Variants in TNS1 observed in about 807,000 individuals in gnomAD.
TNS1 encodes tensin-1.
A neutral mutation model predicts 168.6 loss-of-function variants in TNS1; 62 were observed. The observed-to-expected ratio is 0.37, with a 90% CI of 0.30 to 0.45. The LOEUF (loss-of-function observed/expected upper bound fraction) is 0.45. Ranked by LOEUF, TNS1 falls within the 20% of genes least tolerant of loss-of-function variation. The pLI is 1.00. For synonymous variants in TNS1, 934 were observed against 933.2 expected (o/e 1.00, Z -0.02); for missense variants, 2,240 against 2,339.4 (o/e 0.96, Z 0.88).
intron 3 of TNS1, among the ~76,000 whole-genome samples, chr2:217,968,311 T>A (rs923083725): frequency 6.6e-6 from 1 of 151,922 alleles, no homozygotes; most frequent in Non-Finnish European, 1.5e-5. Flanking sequence ...AGGCAAAAAA[T>A]GAAATAAAAA....
At position 217,875,355 on chromosome 2, in the gene TNS1, G is replaced by A. The variant is rs571400109; in HGVS notation, c.1429+5543C>T. On this transcript the variant is annotated intron_variant, in intron 18 of 32. Transcript: ENST00000682258. ...GCTCCTTCCTGCTCTAAGCCCATGG[G>A]TTGCGAAAGTCTGAGAGGGAAGCCT... is the stretch of plus-strand genomic sequence containing the variant. Among the ~76,000 whole-genome samples, 3 of 152,278 alleles carry A rather than the reference G, an allele frequency of 2.0e-5. No homozygotes were observed. The East Asian group carries it at 5.8e-4, about 29-fold the overall frequency.
chr2:217,909,090 C>A lies in TNS1; in HGVS notation c.229-1839G>T, dbSNP rs370479141. Reference sequence around the variant, plus strand: ...CCACCCACCCCTCTACCAGGGACCACCCCCCACACCCCCTCCCCGCTAAAG... The same window carrying A: ...CCACCCACCCCTCTACCAGGGACCAACCCCCACACCCCCTCCCCGCTAAAG... On this transcript the variant is annotated intron_variant, in intron 4 of 32. Coordinates refer to ENST00000682258, the MANE Select transcript of TNS1 (RefSeq NM_001387777.1). Among the ~76,000 whole-genome samples the A allele has an allele frequency of 5.6e-5, 8 of 144,046 alleles. No homozygotes were observed. In the South Asian group the frequency reaches 9.1e-4, roughly 16 times the overall value. The allele number at this position is 144,046 out of a possible 152,430, so 94.5% of individuals were successfully genotyped here.
chr2:217,960,456 G>A (rs890883099), intron 3 of TNS1, among the ~76,000 whole-genome samples: 1 of 152,122 alleles, frequency 6.6e-6, no homozygotes, highest in Non-Finnish European at 1.5e-5. Context: ...CCAGGTCTAG[G>A]AGGCTGGCTC....
rs376994298 is a variant in TNS1, at chr2:217,990,978, G to T, written c.112C>A (p.Arg38Ser). ...CAGCCTTCCTGGGTGATGACCTGGC[G>T]GCAGATCCCACAGGGCTTCACCTTC... ...FKKVKPCGIC[R>S]QVITQEGCTC... is the part of the protein sequence containing the mutation. Residue 38 changes from arginine to serine, a missense_variant, in exon 2 of 33, where the codon CGC becomes AGC. Arg to Ser is a moderately radical substitution (Grantham distance 110). Coordinates refer to ENST00000682258, the MANE Select transcript of TNS1 (RefSeq NM_001387777.1). 1 of 691,044 alleles carries T rather than the reference G, an allele frequency of 1.4e-6. No individual in the cohort carries two copies. Among genetic ancestry groups the T allele is most frequent in the South Asian group, 1.5e-5 (1 of 66,420 alleles). 42.8% of individuals were successfully genotyped at this position (691,044 alleles called of 1,614,324 possible). A position where few individuals can be genotyped will look rare whatever the true frequency, so the allele number is the denominator to read the frequency against.
In TNS1 at chr2:217,829,916, G is replaced by C. The variant is rs375037280; in HGVS notation, c.3373+1539C>G. On this transcript the variant is annotated intron_variant, in intron 22 of 32. Coordinates refer to ENST00000682258, the MANE Select transcript of TNS1 (RefSeq NM_001387777.1). ...AGACGAGAAGAGAGGTGGGAGGAAG[G>C]AGAGGCAGGAAAGAAGGGCAGGTGG... The C allele has an allele frequency of 1.1e-5, 18 of 1,612,268 alleles. No individual in the cohort carries two copies. In the African/African-American group the frequency reaches 1.6e-4, roughly 14 times the overall value.
At chr2:217,905,457 T>G (rs1051708602) in intron 6 of TNS1, 1 of 382,318 alleles carries the variant, frequency 2.6e-6, no homozygotes, top group Middle Eastern at 3.6e-4. Context: ...GGAGTCAGGC[T>G]GCCTATAGGA....
intron 1 of TNS1, chr2:218,010,033 G>C: frequency 2.7e-6 from 1 of 376,140 alleles, no homozygotes; most frequent in Non-Finnish European, 4.7e-6. Flanking sequence ...ACTGCGGGAG[G>C]GAAGCGTCTG....
chr2:217,883,611 T>G (rs1950887407), intron 16 of TNS1, among the ~76,000 whole-genome samples: 1 of 152,198 alleles, frequency 6.6e-6, no homozygotes, highest in Admixed American at 6.5e-5. Flanking sequence ...ATCTCCTGAC[T>G]CCCACTACGT....
At chr2:217,864,856 C>T (rs1043920138) in intron 18 of TNS1, among the ~76,000 whole-genome samples, 1 of 152,232 alleles carries the variant, frequency 6.6e-6, no homozygotes, top group Non-Finnish European at 1.5e-5. Flanking sequence ...GGTTATCAAA[C>T]TGGCTGGGCA....
chr2:217,951,659 A>C (rs1957246100), intron 3 of TNS1, among the ~76,000 whole-genome samples: 1 of 152,008 alleles, frequency 6.6e-6, no homozygotes, highest in East Asian at 1.9e-4. Flanking sequence ...CCAGGCCCTC[A>C]GGGCTCACTC....
intron 3 of TNS1, among the ~76,000 whole-genome samples, chr2:217,944,804 T>C (rs978896399): frequency 4.6e-5 from 7 of 152,228 alleles, no homozygotes; most frequent in Non-Finnish European, 8.8e-5. Flanking sequence ...GAGTTTACCA[T>C]ATAATCATTT....
rs1257790758 is a variant in TNS1 at position 218,032,060 on chromosome 2, G to A, written c.156+1760C>T. On this transcript the variant is annotated intron_variant, in intron 1 of 1. Coordinates refer to the TNS1 transcript ENST00000649572. This position sits in a 1 kb window ranked among gnomAD's most constrained non-coding sequence, Gnocchi z 4.0. ...AGGCTTGGCTGGAGGACTCAGGAGG[G>A]TGCCAAGCCCCAACCTCTTGCTCCT... Among the ~76,000 whole-genome samples, 5 of 152,224 alleles carry A rather than the reference G, an allele frequency of 3.3e-5. No homozygotes were observed. Among genetic ancestry groups the A allele is most frequent in the Non-Finnish European group, 5.9e-5 (4 of 68,032 alleles).
chr2:217,831,534 C>G lies in TNS1; in HGVS notation c.3294G>C (p.Pro1098=), dbSNP rs545831386. 27 of 1,534,172 alleles carry G rather than the reference C, an allele frequency of 1.8e-5. No individual in the cohort carries two copies. Among genetic ancestry groups the G allele is most frequent in the African/African-American group, 1.6e-4 (11 of 70,892 alleles). Residue 1098 remains proline (P), a synonymous_variant, in exon 22 of 33, where the codon CCG becomes CCC. Coordinates refer to ENST00000682258, the MANE Select transcript of TNS1 (RefSeq NM_001387777.1). ...SPPPSGVRSP[P]GLAKTPLSAL... ...CAGACAGGGGTGTCTTGGCCAGACC[C>G]GGGGGGGACCGCACTGTGCCAGGAA...
chr2:217,823,954 C>A (rs1943244677), intron 22 of TNS1, among the ~76,000 whole-genome samples: 1 of 152,246 alleles, frequency 6.6e-6, no homozygotes, highest in African/African-American at 2.4e-5. Flanking sequence ...GATTCTGTGC[C>A]ACCCAAGCAC....
chr2:218,010,063 G>C (rs1027837425), intron 1 of TNS1: 2 of 386,342 alleles, frequency 5.2e-6, no homozygotes, highest in African/African-American at 4.3e-5. Context: ...GGGCGGGGGG[G>C]GGTCGGAAGG....
chr2:217,996,980 C>G (rs1478376678), intron 1 of TNS1, among the ~76,000 whole-genome samples: 4 of 151,922 alleles, frequency 2.6e-5, no homozygotes, highest in Non-Finnish European at 5.9e-5. Context: ...CCTGTGTCCA[C>G]CCAGGCTGCT....
At chr2:217,868,260 A>C (rs763826062) in intron 18 of TNS1, among the ~76,000 whole-genome samples, 3 of 152,156 alleles carry the variant, frequency 2.0e-5, no homozygotes, top group Non-Finnish European at 4.4e-5. Context: ...TTGCATGCTG[A>C]TGTGTTTTCT....
At chr2:217,965,961 C>T (rs752459719) in intron 3 of TNS1, among the ~76,000 whole-genome samples, 9 of 152,026 alleles carry the variant, frequency 5.9e-5, no homozygotes, top group African/African-American at 2.2e-4. Flanking sequence ...TTCCCTCTAG[C>T]GTGCTTCATC....
chr2:217,863,586 G>A (rs1046674135), intron 18 of TNS1, among the ~76,000 whole-genome samples: 2 of 152,126 alleles, frequency 1.3e-5, no homozygotes, highest in Non-Finnish European at 2.9e-5. Context: ...TAAGACTCAA[G>A]AGTCTTGGGT....
Sources: allele counts gnomAD v4.1 joint callset (sites outside exome capture counted in the v4.1 genomes callset), GRCh38; gene constraint gnomAD v4.1.1; non-coding constraint Gnocchi (gnomAD v3.1); transcripts MANE v1.5; gene names NCBI Gene and HGNC (gene_info 2026-07-23, HGNC 2026-07-21).